Variants in COL12A1 observed in about 807,000 individuals in gnomAD.
COL12A1 encodes the protein collagen type XII alpha 1 chain, also known as collagen alpha-1(XII) chain.
In COL12A1, 114 loss-of-function variants were observed where a neutral mutation model predicts 349.7. That is an observed-to-expected ratio of 0.33 (90% CI 0.28 to 0.38). The LOEUF (loss-of-function observed/expected upper bound fraction) is 0.38. Ranked by LOEUF, COL12A1 falls within the 10% of genes least tolerant of loss-of-function variation. The pLI, the probability that COL12A1 is intolerant of heterozygous loss-of-function variation, is 1.00. For synonymous variants in COL12A1, 1,369 were observed against 1,329.0 expected (o/e 1.03, Z -0.66); for missense variants, 3,284 against 3,756.9 (o/e 0.87, Z 3.29).
chr6:75,140,736 G>C lies in COL12A1; in HGVS notation c.4957+1296C>G, dbSNP rs148593672. ...TAGGTATAGGCAGCTGGGCACTAAAGAACATGCCATTGAGCCTTTGGTGAG... is the reference window on the plus strand; with the variant it reads ...TAGGTATAGGCAGCTGGGCACTAAACAACATGCCATTGAGCCTTTGGTGAG... On this transcript the variant is annotated intron_variant, in intron 27 of 65. Transcript: ENST00000322507. Among the ~76,000 whole-genome samples, 145 of 147,294 alleles carry C rather than the reference G, an allele frequency of 9.8e-4. 3 individuals are homozygous for C. The highest frequency in any genetic ancestry group is 1.0e-4 in the Non-Finnish European group (7 of 67,034).
chr6:75,189,868 A>T, intron 5 of COL12A1, 53 bp from the exon 6 acceptor site: 1 of 1,576,632 alleles, frequency 6.3e-7, no homozygotes, highest in Non-Finnish European at 8.6e-7. Flanking sequence ...TCAACTCATC[A>T]ATACATGTTA....
chr6:75,132,979 A>G (rs968119181), intron 34 of COL12A1, among the ~76,000 whole-genome samples: 2 of 152,240 alleles, frequency 1.3e-5, no homozygotes, highest in Non-Finnish European at 2.9e-5. Flanking sequence ...AAAGTCCTTC[A>G]CAACAATTTA....
rs1477181740 is a variant in COL12A1, at chr6:75,126,484, T to C, written c.6341-14A>G. ...GAAGGAGTCCCACTGAAAACAAACA[T>C]TGACACACATTACTGACCTTTTATT... On this transcript the variant is annotated splice_polypyrimidine_tract_variant and intron_variant, in intron 38 of 65. Transcript: ENST00000322507. 4 of 1,606,922 alleles carry C rather than the reference T, an allele frequency of 2.5e-6. No homozygotes were observed. The highest frequency in any genetic ancestry group is 1.7e-4 in the Middle Eastern group (1 of 6,032).
At chr6:75,086,584 T>G (rs917817935) in intron 65 of COL12A1, 27 bp from the exon 66 acceptor site, 27 of 1,590,496 alleles carry the variant, frequency 1.7e-5, no homozygotes, top group Non-Finnish European at 2.3e-5. Flanking sequence ...ATGATAGTTT[T>G]TAAAAGTTGA....
chr6:75,136,633 G>C (rs1460052937), intron 31 of COL12A1, among the ~76,000 whole-genome samples: 1 of 152,152 alleles, frequency 6.6e-6, no homozygotes, highest in Non-Finnish European at 1.5e-5. Context: ...AGCCAAAAAA[G>C]TCAATAAAAC....
chr6:75,177,723 T>A lies in COL12A1; in HGVS notation c.2377A>T (p.Ile793Phe), dbSNP rs2149456646. ...IPDTKYEVSV[I>F]PEYFSGPGTP... ...CCAGGTCCTGAGAAATATTCAGGAA[T>A]TACAGATACTTCATATTTCGTGTCT... is the stretch of plus-strand genomic sequence containing the variant. Residue 793 changes from isoleucine to phenylalanine, a missense_variant, in exon 12 of 66, where the codon ATT (isoleucine) becomes TTT (phenylalanine). Ile to Phe is a conservative substitution (Grantham distance 21). Around this residue, in one of 2 missense-constraint regions of COL12A1, gnomAD observed 2,601 missense variants for 2,824.8 expected, o/e 0.92. Transcript: ENST00000322507. 6.2e-7 allele frequency: 1 copy of A among 1,614,100 alleles called. No individual in the cohort carries two copies. Among genetic ancestry groups the A allele is most frequent in the Non-Finnish European group, 8.5e-7 (1 of 1,180,014 alleles).
chr6:75,176,072 A>G (rs947977297), intron 12 of COL12A1, among the ~76,000 whole-genome samples: 15 of 152,246 alleles, frequency 9.9e-5, no homozygotes, highest in African/African-American at 3.6e-4. Flanking sequence ...CTAGACCCTC[A>G]GCAAGAGAGA....
At position 75,086,477 on chromosome 6, in the gene COL12A1, C is replaced by G. The variant is rs374581732; in HGVS notation, c.*70G>C. On this transcript the variant is annotated 3_prime_UTR_variant, in exon 66 of 66. Coordinates refer to ENST00000322507, the MANE Select transcript of COL12A1 (RefSeq NM_004370.6). ...AGACTCATTTCCTAATAAGCACGTG[C>G]GCAAACATCTCAGAAACAGGATTTT... 91 of 1,443,106 alleles carry G rather than the reference C, an allele frequency of 6.3e-5. 1 individual carries two copies. The highest frequency in any genetic ancestry group is 1.8e-4 in the Middle Eastern group (1 of 5,604). 89.4% of individuals were successfully genotyped at this position (1,443,106 alleles called of 1,614,324 possible).
At chr6:75,157,975 C>A (rs912107625) in intron 14 of COL12A1, among the ~76,000 whole-genome samples, 6 of 152,098 alleles carry the variant, frequency 3.9e-5, no homozygotes, top group Admixed American at 3.9e-4. Context: ...AATGTCAGAT[C>A]AAACTATTTC....
chr6:75,170,276 T>G (rs747888042), intron 13 of COL12A1, among the ~76,000 whole-genome samples: 42 of 152,218 alleles, frequency 2.8e-4, no homozygotes, highest in Non-Finnish European at 5.0e-4. Context: ...TATACCACTT[T>G]CAAAAATAGA....
At position 75,134,720 on chromosome 6, in the gene COL12A1, A is replaced by G; in HGVS notation, c.5524+6T>C. ...AAGAAGCTATAGGAACTCAGGTTTC[A>G]CTTACTGGTCTTGCCTCTTCCCGTC... On this transcript the variant is annotated splice_donor_region_variant and intron_variant, in intron 32 of 65. Coordinates refer to ENST00000322507, the MANE Select transcript of COL12A1 (RefSeq NM_004370.6). The G allele has an allele frequency of 6.3e-7, 1 of 1,594,862 alleles. No homozygotes were observed. The highest frequency in any genetic ancestry group is 8.6e-7 in the Non-Finnish European group (1 of 1,167,574).
At chr6:75,110,480 T>C (rs766795590) in intron 51 of COL12A1, among the ~76,000 whole-genome samples, 2 of 152,016 alleles carry the variant, frequency 1.3e-5, no homozygotes, top group African/African-American at 2.4e-5. Flanking sequence ...TGTAGATCAT[T>C]GTGCCAAGTG....
At chr6:75,176,301 A>C (rs1768942562) in intron 12 of COL12A1, among the ~76,000 whole-genome samples, 2 of 150,040 alleles carry the variant, frequency 1.3e-5, no homozygotes, top group Admixed American at 1.3e-4. Flanking sequence ...ATACAGTGTG[A>C]GGTGGGAGAG....
intron 8 of COL12A1, among the ~76,000 whole-genome samples, chr6:75,187,593 G>A (rs1374994414): frequency 6.6e-6 from 1 of 152,152 alleles, no homozygotes; most frequent in Non-Finnish European, 1.5e-5. Flanking sequence ...GAAGTAATGA[G>A]AGGTTCTGAG....
chr6:75,126,243 T>G, intron 39 of COL12A1, 108 bp downstream of exon 39: 2 of 1,274,960 alleles, frequency 1.6e-6, no homozygotes, highest in African/African-American at 3.0e-5. Flanking sequence ...AAACTTGGTG[T>G]GATCTGAACT....
intron 25 of COL12A1, 25 bp downstream of exon 25, chr6:75,145,301 G>A (rs1767119442): frequency 1.3e-6 from 2 of 1,561,700 alleles, no homozygotes; most frequent in Non-Finnish European, 1.7e-6. Context: ...AATAAGAAGG[G>A]AAATAAAACT....
intron 43 of COL12A1, among the ~76,000 whole-genome samples, chr6:75,121,858 C>CTTT (rs60234784): frequency 7.4e-6 from 1 of 134,460 alleles, no homozygotes. Flanking sequence ...CAAATAAGTC[C>CTTT]TTTTTTTTTT....
chr6:75,113,323 A>G lies in COL12A1; in HGVS notation c.7841-10T>C. The G allele has an allele frequency of 6.7e-7, 1 of 1,501,076 alleles. No homozygotes were observed. The highest frequency in any genetic ancestry group is 9.0e-7 in the Non-Finnish European group (1 of 1,116,540). The allele number at this position is 1,501,076 out of a possible 1,614,324, so 93.0% of individuals were successfully genotyped here. On this transcript the variant is annotated splice_polypyrimidine_tract_variant and intron_variant, in intron 50 of 65. Transcript: ENST00000322507. ...AACGTCTTGCTAGAAGCTGTAATCAACATAAAAGTGTTATTAAATCATATG... is the reference window on the plus strand; with the variant it reads ...AACGTCTTGCTAGAAGCTGTAATCAGCATAAAAGTGTTATTAAATCATATG...
intron 58 of COL12A1, 87 bp from the exon 59 acceptor site, chr6:75,097,393 G>T: frequency 9.6e-7 from 1 of 1,045,368 alleles, no homozygotes; most frequent in Non-Finnish European, 1.4e-6. Flanking sequence ...AAAGCTGAAG[G>T]CTGAAGAGAA....
Sources: gnomAD v4.1 joint callset for allele counts (sites outside exome capture counted in the v4.1 genomes callset) on GRCh38, gnomAD v4.1.1 for gene constraint, gnomAD v4.1.1 regional missense constraint, MANE v1.5 for transcripts, NCBI Gene and HGNC (gene_info 2026-07-23, HGNC 2026-07-21) for gene names.